The following TENM2 variants were observed in gnomAD, a reference collection of about 807,000 sequenced individuals.
The protein encoded by TENM2 is teneurin-2.
In TENM2, 52 loss-of-function variants were observed where a neutral mutation model predicts 245.2. That is an observed-to-expected ratio of 0.21 (90% CI 0.17 to 0.27). The LOEUF (loss-of-function observed/expected upper bound fraction) is 0.27, where lower values mean the gene tolerates loss of function less well. Ranked by LOEUF, TENM2 falls within the 10% of genes least tolerant of loss-of-function variation. The probability of loss-of-function intolerance (pLI) is 1.00; values close to 1 mark genes in which losing one functional copy is unlikely to be tolerated. For synonymous variants in TENM2, 1,363 were observed against 1,438.9 expected, an observed-to-expected ratio of 0.95 and a Z score of 1.19; for missense variants, 3,046 against 3,666.8, an observed-to-expected ratio of 0.83 and a Z score of 4.37.
At chr5:167,744,854 G>A (rs575062917) in intron 2 of TENM2, among the ~76,000 whole-genome samples, 4 of 150,276 alleles carry the variant, frequency 2.7e-5, no homozygotes, top group East Asian at 2.0e-4. Context: ...CAAAAAAACC[G>A]TGATGGGTTT....
At chr5:168,054,516 A>C (rs1462243172) in intron 6 of TENM2, among the ~76,000 whole-genome samples, 1 of 152,270 alleles carries the variant, frequency 6.6e-6, no homozygotes, top group Non-Finnish European at 1.5e-5. Context: ...TCTGCAAGGC[A>C]GATTTATGCT....
At chr5:167,084,713 C>A in the TENM2 span, among the ~76,000 whole-genome samples, 2 of 151,984 alleles carry the variant, frequency 1.3e-5, no homozygotes, top group African/African-American at 4.8e-5. Context: ...TCTGGCACAA[C>A]TCAGGGTGGC....
intron 1 of TENM2, among the ~76,000 whole-genome samples, chr5:167,312,392 C>T (rs1292125155): frequency 1.3e-5 from 2 of 152,050 alleles, no homozygotes; most frequent in Non-Finnish European, 2.9e-5. Flanking sequence ...CCACTTGCCC[C>T]GGCTGTCAAA....
chr5:167,347,316 A>G (rs1011461218), intron 1 of TENM2, among the ~76,000 whole-genome samples: 2 of 152,114 alleles, frequency 1.3e-5, no homozygotes, highest in Non-Finnish European at 2.9e-5. Context: ...TTGCTATGCA[A>G]TTTGCTCTGA....
rs375616328 is a variant in TENM2 at position 167,872,296 on chromosome 5, T to A, written c.503-3690T>A. 2.6e-4 allele frequency among the ~76,000 whole-genome samples: 27 copies of A among 104,588 alleles called. No individual in the cohort carries two copies. The East Asian group carries it at 4.6e-3, about 18-fold the overall frequency. 68.6% of individuals were successfully genotyped at this position (104,588 alleles called of 152,430 possible). ...AAAAAGAAAAAAAGAAAGAGAAAGA[T>A]AGAAAGAAAGAAAGAAAGAAAGAAA... is the stretch of plus-strand genomic sequence containing the variant. On this transcript the variant is annotated intron_variant, in intron 2 of 28. Transcript: ENST00000518659.
At chr5:167,766,501 A>G (rs1394890470) in intron 2 of TENM2, among the ~76,000 whole-genome samples, 2 of 152,212 alleles carry the variant, frequency 1.3e-5, no homozygotes, top group Non-Finnish European at 2.9e-5. Context: ...ACATCCATTC[A>G]AATGGCTATT....
chr5:167,145,363 C>T, the TENM2 span, among the ~76,000 whole-genome samples: 1 of 152,102 alleles, frequency 6.6e-6, no homozygotes, highest in African/African-American at 2.4e-5. Context: ...CAGTTTCTCA[C>T]CCATAAAACG....
intron 4 of TENM2, chr5:167,953,306 T>G (rs1204006755): frequency 5.2e-6 from 1 of 193,416 alleles, no homozygotes; most frequent in Non-Finnish European, 1.1e-5. Context: ...CTCACTTTAA[T>G]CCCTCCTGTA....
At chr5:167,145,954 C>A in the TENM2 span, among the ~76,000 whole-genome samples, 1 of 152,032 alleles carries the variant, frequency 6.6e-6, no homozygotes, top group Non-Finnish European at 1.5e-5. Context: ...TTATTATTAT[C>A]ATTACCCGGT....
At chr5:168,012,274 C>T (rs187039840) in intron 5 of TENM2, among the ~76,000 whole-genome samples, 1 of 152,268 alleles carries the variant, frequency 6.6e-6, no homozygotes, top group Admixed American at 6.5e-5. Flanking sequence ...CATTGTAAAA[C>T]AATCCATGTC....
At chr5:168,156,418 A>T (rs974623787) in intron 12 of TENM2, among the ~76,000 whole-genome samples, 3 of 151,752 alleles carry the variant, frequency 2.0e-5, no homozygotes, top group East Asian at 1.9e-4. Flanking sequence ...TTGCATTTCC[A>T]TCTGGATAGG....
At chr5:167,445,369 A>AGAGAGAGAGAGAGAGTGTGT (rs35699708) in intron 2 of TENM2, among the ~76,000 whole-genome samples, 1 of 98,578 alleles carries the variant, frequency 1.0e-5, no homozygotes, top group Non-Finnish European at 1.9e-5. Context: ...AGAGAGAGAG[A>AGAGAGAGAGAGAGAGTGTGT]GTGTCAGGTG....
intron 3 of TENM2, among the ~76,000 whole-genome samples, chr5:167,916,954 C>T (rs897096237): frequency 6.6e-6 from 1 of 152,142 alleles, no homozygotes; most frequent in African/African-American, 2.4e-5. Flanking sequence ...TTGGGTTTCT[C>T]ACTCAGAGCT....
At chr5:168,165,279 T>C (rs1310923545) in intron 13 of TENM2, 1 of 152,218 alleles carries the variant, frequency 6.6e-6, no homozygotes, top group East Asian at 1.9e-4. Flanking sequence ...CGCACGACTT[T>C]TGCTGGTAAG....
intron 2 of TENM2, among the ~76,000 whole-genome samples, chr5:167,498,746 T>TA (rs544511126): frequency 5.5e-4 from 84 of 152,152 alleles, no homozygotes; most frequent in African/African-American, 1.9e-3. Context: ...GAAAAAAAAA[T>TA]ACACTTTTCA....
intron 2 of TENM2, among the ~76,000 whole-genome samples, chr5:167,809,130 T>G (rs1766446772): frequency 6.6e-6 from 1 of 152,190 alleles, no homozygotes. Flanking sequence ...CAAGACGCTG[T>G]CTCAGTGATG....
At chr5:167,368,364 T>TTGTACCACATTATATCCTTCCCTTTA (rs1760192519) in intron 1 of TENM2, among the ~76,000 whole-genome samples, 2 of 152,180 alleles carry the variant, frequency 1.3e-5, no homozygotes, top group Admixed American at 1.3e-4. Flanking sequence ...AATTGTTTGA[T>TTGTACCACATTATATCCTTCCCTTTA]TGTACCACAT....
chr5:167,273,715 C>T, the TENM2 span, among the ~76,000 whole-genome samples: 1 of 151,976 alleles, frequency 6.6e-6, no homozygotes, highest in Non-Finnish European at 1.5e-5. Flanking sequence ...ACTATGTTGT[C>T]CAAGCAGAGG....
At position 167,942,946 on chromosome 5, in the gene TENM2, G is replaced by A. The variant is rs181581935; in HGVS notation, c.713-9642G>A. 9.7e-4 allele frequency among the ~76,000 whole-genome samples: 147 copies of A among 152,288 alleles called. 1 individual carries two copies. The highest frequency in any genetic ancestry group is 6.8e-3 in the Middle Eastern group (2 of 294). The stretch of plus-strand genomic sequence containing the variant: ...GGTAATTACTTGTGTGGGTGCGTAC[G>A]TGTGTGTATGTGTGTGCATTCTAAA... On this transcript the variant is annotated intron_variant, in intron 3 of 28. Coordinates refer to ENST00000518659, the Ensembl canonical transcript of TENM2.
Sources: allele counts gnomAD v4.1 joint callset (sites outside exome capture counted in the v4.1 genomes callset), GRCh38; gene constraint gnomAD v4.1.1; transcripts MANE v1.5; gene names NCBI Gene and HGNC (gene_info 2026-07-23, HGNC 2026-07-21).